Variants in FBN2 observed in about 807,000 individuals in gnomAD.
FBN2 encodes the protein fibrillin 2.
Under a neutral mutation model 355.6 loss-of-function variants are expected in FBN2, and 105 were observed. The ratio of observed to expected loss-of-function variants is 0.30; its 90% CI spans 0.25 to 0.35. FBN2 has a LOEUF of 0.35. Ranked by LOEUF, FBN2 falls within the 10% of genes least tolerant of loss-of-function variation. FBN2 has a pLI of 1.00. For synonymous variants in FBN2, 1,350 were observed against 1,301.2 expected, an observed-to-expected ratio of 1.04 and a Z score of -0.81; for missense variants, 3,280 against 3,758.7, an observed-to-expected ratio of 0.87 and a Z score of 3.33.
chr5:128,304,415 G>T (rs530445049), intron 45 of FBN2, among the ~76,000 whole-genome samples: 1 of 152,160 alleles, frequency 6.6e-6, no homozygotes, highest in African/African-American at 2.4e-5. Context: ...TAGCTACTGG[G>T]AATTTTTAAA....
intron 61 of FBN2, among the ~76,000 whole-genome samples, chr5:128,272,463 C>CATAT (rs3083327): frequency 0.11 from 15,903 of 139,466 alleles, 1,137 homozygotes; most frequent in African/African-American, 0.21. Flanking sequence ...TTTGGTAAAT[C>CATAT]ATATATATAT....
At chr5:128,452,859 T>C (rs1464399297) in intron 6 of FBN2, among the ~76,000 whole-genome samples, 2 of 152,166 alleles carry the variant, frequency 1.3e-5, no homozygotes, top group Non-Finnish European at 2.9e-5. Flanking sequence ...ACTCAATAGG[T>C]AATTTTTCAG....
At chr5:128,433,546 T>C (rs978265863) in intron 7 of FBN2, among the ~76,000 whole-genome samples, 1 of 152,224 alleles carries the variant, frequency 6.6e-6, no homozygotes, top group Non-Finnish European at 1.5e-5. Flanking sequence ...AAAGCTTTGA[T>C]TTATAGTCAC....
intron 53 of FBN2, 87 bp downstream of exon 53, chr5:128,288,351 A>G: frequency 1.4e-6 from 2 of 1,474,306 alleles, no homozygotes; most frequent in South Asian, 2.3e-5. Context: ...CCAGCAGAAT[A>G]TCAGAAGCAA....
intron 4 of FBN2, among the ~76,000 whole-genome samples, chr5:128,521,408 T>C (rs1333731954): frequency 1.3e-5 from 2 of 152,178 alleles, no homozygotes; most frequent in East Asian, 3.9e-4. Context: ...AAATAGCTAA[T>C]GCATGCGGGG....
chr5:128,269,231 A>G (rs911475127), intron 62 of FBN2, among the ~76,000 whole-genome samples: 1 of 150,978 alleles, frequency 6.6e-6, no homozygotes, highest in African/African-American at 2.4e-5. Flanking sequence ...CCTGGCCAAC[A>G]TGGTGAAACC....
chr5:128,457,428 A>C (rs1005977772), intron 6 of FBN2, among the ~76,000 whole-genome samples: 3 of 152,184 alleles, frequency 2.0e-5, no homozygotes, highest in African/African-American at 4.8e-5. Context: ...ACAGGCCAAC[A>C]GGCAAATTCA....
At chr5:128,499,006 A>G (rs183861529) in intron 5 of FBN2, among the ~76,000 whole-genome samples, 1 of 152,324 alleles carries the variant, frequency 6.6e-6, no homozygotes, top group East Asian at 1.9e-4. Flanking sequence ...CCACATAGTA[A>G]CCAAGCCAAG....
chr5:128,376,290 T>C (rs891486259), intron 14 of FBN2, among the ~76,000 whole-genome samples: 4 of 152,186 alleles, frequency 2.6e-5, no homozygotes, highest in Non-Finnish European at 5.9e-5. Flanking sequence ...TTTTAGATAA[T>C]GACACAGTTA....
chr5:128,442,260 C>T (rs1037426282), intron 7 of FBN2: 5 of 451,336 alleles, frequency 1.1e-5, no homozygotes, highest in South Asian at 7.9e-5. Flanking sequence ...TTTTCTGCCT[C>T]CCATGTAAGC....
intron 6 of FBN2, among the ~76,000 whole-genome samples, chr5:128,453,348 T>C (rs1484920695): frequency 2.0e-5 from 3 of 152,168 alleles, no homozygotes; most frequent in Admixed American, 6.5e-5. Flanking sequence ...CAGCAACAAC[T>C]GCTTACTTTC....
intron 41 of FBN2, among the ~76,000 whole-genome samples, 170 bp downstream of exon 41, chr5:128,309,077 T>G (rs1749963156): frequency 6.6e-6 from 1 of 152,230 alleles, no homozygotes; most frequent in Non-Finnish European, 1.5e-5. Context: ...CAGAAGTTAG[T>G]GTTTGAATCC....
chr5:128,528,068 A>G (rs1350874176), intron 3 of FBN2, 101 bp from the exon 4 acceptor site: 2 of 771,456 alleles, frequency 2.6e-6, no homozygotes, highest in Non-Finnish European at 4.6e-6. Flanking sequence ...CAATTCAATG[A>G]CAATTATATC....
At chr5:128,296,516 C>A (rs1418323056) in intron 48 of FBN2, among the ~76,000 whole-genome samples, 1 of 152,004 alleles carries the variant, frequency 6.6e-6, no homozygotes, top group Non-Finnish European at 1.5e-5. Flanking sequence ...AATTTCAGAA[C>A]CTGTTATTGG....
intron 4 of FBN2, among the ~76,000 whole-genome samples, chr5:128,524,176 G>GTT (rs1756506788): frequency 6.6e-6 from 1 of 152,028 alleles, no homozygotes; most frequent in African/African-American, 2.4e-5. Context: ...CATGGAGTCT[G>GTT]TTCCCACTAC....
Position 128,464,892 on chromosome 5 carries a change from C to T in FBN2, c.658G>A (p.Val220Ile). The T allele has an allele frequency of 1.9e-6, 3 of 1,614,162 alleles. No individual in the cohort carries two copies. The highest frequency in any genetic ancestry group is 1.1e-5 in the South Asian group (1 of 91,088). The change falls in exon 6 of 65, where the codon GTC (valine) becomes ATC (isoleucine). Residue 220 changes from valine to isoleucine, a missense_variant. By Grantham distance (29) the Val-to-Ile change is conservative (BLOSUM62 3). Around this residue, in one of 6 missense-constraint regions of FBN2, gnomAD observed 130 missense variants for 189.9 expected, o/e 0.68. Coordinates refer to ENST00000262464, the MANE Select transcript of FBN2 (RefSeq NM_001999.4). ...TGCCCTTGGCACATCTGGTTGTTGA[C>T]CTGAGTGAAACACGGGCCTGTCCTG... ...DYRTGPCFTQ[V>I]NNQMCQGQLT...
intron 8 of FBN2, among the ~76,000 whole-genome samples, chr5:128,397,655 G>C (rs1004208105): frequency 5.6e-4 from 85 of 152,180 alleles, no homozygotes; most frequent in African/African-American, 1.9e-3. Flanking sequence ...AAATATCCTG[G>C]ATAAAATGTG....
intron 48 of FBN2, among the ~76,000 whole-genome samples, chr5:128,296,772 T>A (rs1455114986): frequency 2.6e-5 from 4 of 152,176 alleles, no homozygotes; most frequent in Non-Finnish European, 2.9e-5. Context: ...ATTTTGTTGA[T>A]CCTTTCAAAA....
In FBN2 at chr5:128,326,195, C is replaced by T. The variant is rs39939; in HGVS notation, c.4471+2501G>A. Among the ~76,000 whole-genome samples the T allele has an allele frequency of 0.056, 8,536 of 152,224 alleles. 1,090 individuals are homozygous for T. The East Asian group carries it at 0.6, about 11-fold the overall frequency. On this transcript the variant is annotated intron_variant, in intron 34 of 64. Coordinates refer to ENST00000262464, the MANE Select transcript of FBN2 (RefSeq NM_001999.4). ...CTTTAGTACAGTTTAAATAACATCT[C>T]TTGATATCTTTCCTTCTTTATCAGA...
Sources: allele counts gnomAD v4.1 joint callset (sites outside exome capture counted in the v4.1 genomes callset), GRCh38; gene constraint gnomAD v4.1.1; regional missense constraint gnomAD v4.1.1; transcripts MANE v1.5; gene names NCBI Gene and HGNC (gene_info 2026-07-23, HGNC 2026-07-21).